The following MAPKAPK5 variants were observed in gnomAD, a reference collection of about 807,000 sequenced individuals.
MAPKAPK5 encodes MAPK activated protein kinase 5.
In MAPKAPK5, 30 loss-of-function variants were observed where a neutral mutation model predicts 65.1. The ratio of observed to expected loss-of-function variants is 0.46; its 90% CI spans 0.34 to 0.63. The LOEUF is 0.63. Ranked by LOEUF, MAPKAPK5 falls within the 20% of genes least tolerant of loss-of-function variation. The probability of loss-of-function intolerance (pLI) is 0.01; values close to 1 mark genes in which losing one functional copy is unlikely to be tolerated. For synonymous variants in MAPKAPK5, 179 were observed against 204.6 expected (o/e 0.87, Z 1.07); for missense variants, 433 against 581.4 (o/e 0.74, Z 2.63).
chr12:111,889,879 TA>T, intron 12 of MAPKAPK5, 160 bp from the exon 13 acceptor site: 1 of 587,544 alleles, frequency 1.7e-6, no homozygotes, highest in Non-Finnish European at 3.1e-6. Flanking sequence ...AGATGCGGTC[TA>T]CATAATGTAG....
Position 111,898,700 on chromosome 12 carries a change from TAAAG to T in MAPKAPK5, c.*5643_*5646del, listed in dbSNP as rs1225137656. On this transcript the variant is annotated 3_prime_UTR_variant, in exon 14 of 14. Coordinates refer to ENST00000550735, the MANE Select transcript of MAPKAPK5 (RefSeq NM_003668.4). ...CATCCACATACAGATTTTCTTGAAT[TAAAG>T]AAAAAAACCAGACACTGACAAAGGA... 1.3e-5 allele frequency: 2 copies of T among 151,978 alleles called. No homozygotes were observed. The highest frequency in any genetic ancestry group is 2.9e-5 in the Non-Finnish European group (2 of 68,002). 9.4% of individuals were successfully genotyped at this position (151,978 alleles called of 1,614,324 possible). A position where few individuals can be genotyped will look rare whatever the true frequency, so the allele number is the denominator to read the frequency against.
chr12:111,865,667 C>G (rs1053920945), intron 2 of MAPKAPK5, among the ~76,000 whole-genome samples: 5 of 151,754 alleles, frequency 3.3e-5, no homozygotes, highest in Admixed American at 6.6e-5. Context: ...GAAACCCCGT[C>G]TCTCCTAAAG....
intron 1 of MAPKAPK5, among the ~76,000 whole-genome samples, chr12:111,864,901 A>T (rs1299750028): frequency 6.6e-6 from 1 of 152,204 alleles, no homozygotes; most frequent in African/African-American, 2.4e-5. Context: ...ATACTTGACC[A>T]TTGTAGCAAA....
intron 1 of MAPKAPK5, among the ~76,000 whole-genome samples, chr12:111,846,640 A>C (rs752805339): frequency 5.3e-5 from 8 of 151,766 alleles, no homozygotes; most frequent in Non-Finnish European, 1.2e-4. Flanking sequence ...CTGGGATTAC[A>C]GGTGTGCACC....
At position 111,890,164 on chromosome 12, in the gene MAPKAPK5, C is replaced by T. The variant is rs1285790486; in HGVS notation, c.1321+20C>T. 20 of 1,504,088 alleles carry T rather than the reference C, an allele frequency of 1.3e-5. No homozygotes were observed. Among genetic ancestry groups the T allele is most frequent in the Non-Finnish European group, 1.7e-5 (19 of 1,096,216 alleles). 93.2% of individuals were successfully genotyped at this position (1,504,088 alleles called of 1,614,324 possible). A position where few individuals can be genotyped will look rare whatever the true frequency, so the allele number is the denominator to read the frequency against. On this transcript the variant is annotated intron_variant, in intron 13 of 13. Coordinates refer to ENST00000550735, the MANE Select transcript of MAPKAPK5 (RefSeq NM_003668.4). ...GGAATGGTAGGAGCCTTCATCAACTCCCTTCCCCAGGAATGCAGACAAGTG... is the reference window on the plus strand; with the variant it reads ...GGAATGGTAGGAGCCTTCATCAACTTCCTTCCCCAGGAATGCAGACAAGTG...
intron 1 of MAPKAPK5, among the ~76,000 whole-genome samples, chr12:111,847,622 A>T (rs2068946236): frequency 6.6e-6 from 1 of 151,552 alleles, no homozygotes. Flanking sequence ...TATAGTTTGT[A>T]CATCATAAAA....
chr12:111,891,230 A>T (rs932942766), intron 13 of MAPKAPK5, among the ~76,000 whole-genome samples: 3 of 150,302 alleles, frequency 2.0e-5, no homozygotes, highest in Non-Finnish European at 3.0e-5. Context: ...AGGAACTGGG[A>T]CTACAGGCAC....
rs2070685234 is a variant in MAPKAPK5, at chr12:111,893,179, A to G, written c.*118A>G. On this transcript the variant is annotated 3_prime_UTR_variant, in exon 14 of 14. Transcript: ENST00000550735. ...TTTCCACATTGATTAAAGCTGCTGT[A>G]TAGATTTAGGGTGCAGGACTTAATA... The G allele has an allele frequency of 2.7e-6, 2 of 733,394 alleles. No individual in the cohort carries two copies. Among genetic ancestry groups the G allele is most frequent in the African/African-American group, 1.8e-5 (1 of 55,940 alleles). 45.4% of individuals were successfully genotyped at this position (733,394 alleles called of 1,614,324 possible).
At chr12:111,859,270 T>C (rs2069347005) in intron 1 of MAPKAPK5, among the ~76,000 whole-genome samples, 1 of 148,608 alleles carries the variant, frequency 6.7e-6, no homozygotes, top group South Asian at 2.2e-4. Flanking sequence ...ATGTCTCTGC[T>C]TAGTTTTAAA....
chr12:111,881,320 C>T (rs1011005373), intron 8 of MAPKAPK5, among the ~76,000 whole-genome samples: 11 of 151,906 alleles, frequency 7.2e-5, no homozygotes, highest in Admixed American at 2.0e-4. Context: ...GTGATCCGCC[C>T]GCCTCGGCCT....
At chr12:111,858,192 A>T (rs2069309030) in intron 1 of MAPKAPK5, among the ~76,000 whole-genome samples, 1 of 152,020 alleles carries the variant, frequency 6.6e-6, no homozygotes, top group South Asian at 2.1e-4. Flanking sequence ...GGCGTGAGCA[A>T]CTGCACCTGG....
chr12:111,851,293 A>C (rs2069075249), intron 1 of MAPKAPK5, among the ~76,000 whole-genome samples: 1 of 152,068 alleles, frequency 6.6e-6, no homozygotes, highest in Non-Finnish European at 1.5e-5. Context: ...ACTTGTCCAC[A>C]AACAGTGTCT....
At chr12:111,852,830 G>A (rs2069126393) in intron 1 of MAPKAPK5, among the ~76,000 whole-genome samples, 1 of 152,068 alleles carries the variant, frequency 6.6e-6, no homozygotes, top group African/African-American at 2.4e-5. Context: ...CTTAAGTGCA[G>A]TAGTGCAATC....
At chr12:111,857,656 A>G (rs1024872808) in intron 1 of MAPKAPK5, among the ~76,000 whole-genome samples, 2 of 152,068 alleles carry the variant, frequency 1.3e-5, no homozygotes, top group Non-Finnish European at 1.5e-5. Flanking sequence ...TTCAGTGTTT[A>G]TTTATTTGAT....
chr12:111,868,722 T>TA (rs2069688029), intron 4 of MAPKAPK5, 31 bp from the exon 5 acceptor site: 5 of 1,433,654 alleles, frequency 3.5e-6, no homozygotes, highest in East Asian at 2.5e-5. Context: ...TTTTTTTTTT[T>TA]AACTTAACAA....
chr12:111,860,262 T>A (rs934706497), intron 1 of MAPKAPK5, among the ~76,000 whole-genome samples: 10 of 152,142 alleles, frequency 6.6e-5, no homozygotes, highest in Non-Finnish European at 1.3e-4. Flanking sequence ...ACCCCCCTGA[T>A]CAATGTGTAT....
At chr12:111,864,381 T>C (rs1207538899) in intron 1 of MAPKAPK5, among the ~76,000 whole-genome samples, 1 of 152,152 alleles carries the variant, frequency 6.6e-6, no homozygotes, top group Non-Finnish European at 1.5e-5. Flanking sequence ...TCGTAGTTTT[T>C]AGTAGACACG....
intron 1 of MAPKAPK5, among the ~76,000 whole-genome samples, chr12:111,846,971 C>T (rs1049774206): frequency 5.9e-5 from 9 of 152,106 alleles, no homozygotes; most frequent in Non-Finnish European, 1.2e-4. Flanking sequence ...TCACTACTAT[C>T]CAAGATTTCA....
intron 1 of MAPKAPK5, chr12:111,843,375 A>T: frequency 2.5e-6 from 1 of 398,332 alleles, no homozygotes; most frequent in Non-Finnish European, 4.4e-6. Context: ...ACCAAAAGAA[A>T]AGCAAATGTG....
Sources: gnomAD v4.1 joint callset for allele counts (sites outside exome capture counted in the v4.1 genomes callset) on GRCh38, gnomAD v4.1.1 for gene constraint, MANE v1.5 for transcripts, NCBI Gene and HGNC (gene_info 2026-07-23, HGNC 2026-07-21) for gene names.